The following GRIK4 variants were observed in gnomAD, a reference collection of about 807,000 sequenced individuals.
GRIK4 encodes the protein glutamate receptor ionotropic, kainate 4.
In GRIK4, 40 loss-of-function variants were observed where a neutral mutation model predicts 104.9. The observed-to-expected ratio is 0.38, with a 90% CI of 0.30 to 0.50. The LOEUF is 0.50. Ranked by LOEUF, GRIK4 falls within the 20% of genes least tolerant of loss-of-function variation. The pLI is 0.93. For synonymous variants in GRIK4, 485 were observed against 524.9 expected (o/e 0.92, Z 1.04); for missense variants, 1,047 against 1,308.1 (o/e 0.80, Z 3.08).
intron 3 of GRIK4, among the ~76,000 whole-genome samples, chr11:120,745,334 T>G (rs774757895): frequency 1.3e-5 from 2 of 152,246 alleles, no homozygotes; most frequent in Non-Finnish European, 2.9e-5. Context: ...TATAAATTTT[T>G]TTTTCTCTCC....
Position 120,660,411 on chromosome 11 carries a change from C to T in GRIK4, c.82+11C>T, listed in dbSNP as rs1012640351. The T allele has an allele frequency of 1.9e-6, 3 of 1,604,302 alleles. No homozygotes were observed. Among genetic ancestry groups the T allele is most frequent in the African/African-American group, 1.3e-5 (1 of 74,866 alleles). On this transcript the variant is annotated intron_variant, in intron 3 of 20. Transcript: ENST00000527524. The stretch of plus-strand genomic sequence containing the variant: ...ACTCCTTGAGGATCGGTAAGTGTGG[C>T]CCAGCTTGGGGCAGTGCCCCCACCC...
At chr11:120,936,522 T>C (rs1337092399) in intron 13 of GRIK4, 1 of 171,918 alleles carries the variant, frequency 5.8e-6, no homozygotes, top group Non-Finnish European at 1.2e-5. Context: ...CAGCACTGAG[T>C]ACTTCTGAGA....
intron 3 of GRIK4, among the ~76,000 whole-genome samples, chr11:120,794,029 C>T (rs796905760): frequency 5.5e-5 from 7 of 127,960 alleles, no homozygotes; most frequent in South Asian, 2.6e-4. Flanking sequence ...GAGAGCCAGG[C>T]AATGGTTAGA....
At chr11:120,754,915 T>C (rs529609542) in intron 3 of GRIK4, among the ~76,000 whole-genome samples, 1 of 152,326 alleles carries the variant, frequency 6.6e-6, no homozygotes, top group South Asian at 2.1e-4. Flanking sequence ...TTCTATATTC[T>C]AGGTATAACC....
chr11:120,762,105 C>A (rs1390631757), intron 3 of GRIK4, among the ~76,000 whole-genome samples: 1 of 152,100 alleles, frequency 6.6e-6, no homozygotes, highest in Non-Finnish European at 1.5e-5. Flanking sequence ...TTTGTGTCCT[C>A]TCTTATTTCC....
At chr11:120,777,583 A>G (rs940650607) in intron 3 of GRIK4, among the ~76,000 whole-genome samples, 81 of 152,384 alleles carry the variant, frequency 5.3e-4, no homozygotes, top group South Asian at 8.3e-4. Context: ...GGGCTGACAG[A>G]CAGACAAAGA....
At chr11:120,592,767 C>G (rs1177468720) in intron 1 of GRIK4, among the ~76,000 whole-genome samples, 3 of 152,134 alleles carry the variant, frequency 2.0e-5, no homozygotes, top group Non-Finnish European at 4.4e-5. Flanking sequence ...CCACATGTGC[C>G]CCTCCTGCAA....
At chr11:120,632,585 TC>T (rs2135185357) in intron 1 of GRIK4, among the ~76,000 whole-genome samples, 1 of 152,254 alleles carries the variant, frequency 6.6e-6, no homozygotes, top group Non-Finnish European at 1.5e-5. Flanking sequence ...TCCCCGTTTG[TC>T]CCAGCCACCT....
At chr11:120,891,742 ATGTT>A (rs1955303822) in intron 11 of GRIK4, among the ~76,000 whole-genome samples, 3 of 152,166 alleles carry the variant, frequency 2.0e-5, no homozygotes, top group Admixed American at 1.3e-4. Flanking sequence ...ACATCGATGA[ATGTT>A]TGGAAGGAAA....
chr11:120,893,346 T>C (rs7119695), intron 11 of GRIK4, among the ~76,000 whole-genome samples: 3,672 of 152,342 alleles, frequency 0.024, 144 homozygotes, highest in African/African-American at 0.081. Context: ...ACCTAAATTT[T>C]AATATTTGAC....
At chr11:120,835,399 G>A (rs1024237841) in intron 7 of GRIK4, among the ~76,000 whole-genome samples, 13 of 152,152 alleles carry the variant, frequency 8.5e-5, no homozygotes, top group African/African-American at 3.1e-4. Context: ...GTGGTCGTGG[G>A]TGCCTGTAAT....
chr11:120,899,793 C>G (rs540809641), intron 12 of GRIK4, among the ~76,000 whole-genome samples: 6 of 152,316 alleles, frequency 3.9e-5, no homozygotes, highest in African/African-American at 1.4e-4. Context: ...GGCCCAGCAT[C>G]TTATTAGCAG....
At chr11:120,716,064 C>T (rs61901399) in intron 3 of GRIK4, among the ~76,000 whole-genome samples, 12,889 of 151,962 alleles carry the variant, frequency 0.085, 571 homozygotes, top group Middle Eastern at 0.11. Flanking sequence ...TGTCAGCACT[C>T]CTAAATGCAG....
At chr11:120,816,391 G>A (rs111658407) in intron 5 of GRIK4, among the ~76,000 whole-genome samples, 54 of 152,196 alleles carry the variant, frequency 3.5e-4, no homozygotes, top group African/African-American at 1.3e-3. Context: ...TCAGGCATGA[G>A]GTCAGGAGCT....
At chr11:120,736,961 G>A (rs1380790663) in intron 3 of GRIK4, among the ~76,000 whole-genome samples, 1 of 152,136 alleles carries the variant, frequency 6.6e-6, no homozygotes. Flanking sequence ...ATATAAGCCT[G>A]GAATAGGTCA....
chr11:120,986,871 G>A lies in GRIK4; in HGVS notation c.*611G>A, dbSNP rs937592453. 6.6e-6 allele frequency: 1 copy of A among 151,998 alleles called. No individual in the cohort carries two copies. The highest frequency in any genetic ancestry group is 2.4e-5 in the African/African-American group (1 of 41,358). The allele number at this position is 151,998 out of a possible 1,614,324, so 9.4% of individuals were successfully genotyped here. ...CTATTTCTTCTTTTTCCTGAATTTT[G>A]GAATATTGCGTTACCAGTGCATCCG... On this transcript the variant is annotated 3_prime_UTR_variant, in exon 21 of 21. Transcript: ENST00000527524.
chr11:120,693,948 T>C (rs1030910105), intron 3 of GRIK4, among the ~76,000 whole-genome samples: 3 of 152,018 alleles, frequency 2.0e-5, no homozygotes, highest in African/African-American at 7.2e-5. Flanking sequence ...AGACAGAAAA[T>C]TGTCTTAGCA....
At chr11:120,654,362 T>G (rs191555724) in intron 2 of GRIK4, among the ~76,000 whole-genome samples, 112 of 152,148 alleles carry the variant, frequency 7.4e-4, no homozygotes, top group African/African-American at 2.2e-3. Context: ...TTATTATTAT[T>G]ATCATTATTA....
chr11:120,855,901 A>G (rs1052781903), intron 8 of GRIK4, among the ~76,000 whole-genome samples: 2 of 152,246 alleles, frequency 1.3e-5, no homozygotes, highest in African/African-American at 4.8e-5. Flanking sequence ...CCATTTGACA[A>G]GTAGCTAAGA....
Sources: allele counts gnomAD v4.1 joint callset (sites outside exome capture counted in the v4.1 genomes callset), GRCh38; gene constraint gnomAD v4.1.1; transcripts MANE v1.5; gene names NCBI Gene and HGNC (gene_info 2026-07-23, HGNC 2026-07-21).